The following BMP6 variants were observed in gnomAD, a reference collection of about 807,000 sequenced individuals.
The protein encoded by BMP6 is VG-1-R.
In BMP6, 17 loss-of-function variants were observed where a neutral mutation model predicts 54.1. That is an observed-to-expected ratio of 0.31 (90% CI 0.22 to 0.47). The LOEUF is 0.47. BMP6 is among the 20% of genes least tolerant of loss of function. The pLI, the probability that BMP6 is intolerant of heterozygous loss-of-function variation, is 1.00. For missense variants in BMP6, 720 were observed against 690.4 expected (o/e 1.04, Z -0.48); for synonymous variants, 328 against 291.2 (o/e 1.13, Z -1.28).
chr6:7,805,129 C>A (rs1758329534), intron 1 of BMP6, among the ~76,000 whole-genome samples: 1 of 151,986 alleles, frequency 6.6e-6, no homozygotes, highest in South Asian at 2.1e-4. Context: ...ATGTTTTGTC[C>A]CTAGTCTACA....
chr6:7,808,914 T>TAAA (rs70982107), intron 1 of BMP6, among the ~76,000 whole-genome samples: 6,920 of 88,774 alleles, frequency 0.078, 365 homozygotes, highest in East Asian at 0.13. Flanking sequence ...ACCCTGTCTC[T>TAAA]AAAAAAAAAA....
intron 4 of BMP6, among the ~76,000 whole-genome samples, chr6:7,864,629 G>A (rs1208890106): frequency 6.6e-6 from 1 of 152,158 alleles, no homozygotes; most frequent in Non-Finnish European, 1.5e-5. Flanking sequence ...TCCATTTTGT[G>A]TTCCGACTTA....
Position 7,806,043 on chromosome 6 carries a change from G to A in BMP6, c.665-39097G>A, listed in dbSNP as rs557159975. 1.1e-3 allele frequency among the ~76,000 whole-genome samples: 171 copies of A among 152,268 alleles called. 2 individuals carry two copies. Among genetic ancestry groups the A allele is most frequent in the Non-Finnish European group, 9.7e-4 (66 of 68,026 alleles). Reference sequence around the variant, plus strand: ...AAGATTGCTGCATTCTGAGATGTGGGGTCAGCAATGTGGTTGGATGTTTTT... The same window carrying A: ...AAGATTGCTGCATTCTGAGATGTGGAGTCAGCAATGTGGTTGGATGTTTTT... On this transcript the variant is annotated intron_variant, in intron 1 of 6. Coordinates refer to ENST00000283147, the MANE Select transcript of BMP6 (RefSeq NM_001718.6).
At chr6:7,820,143 A>G (rs1276409273) in intron 1 of BMP6, among the ~76,000 whole-genome samples, 1 of 152,254 alleles carries the variant, frequency 6.6e-6, no homozygotes, top group African/African-American at 2.4e-5. Flanking sequence ...AGCTAACTAC[A>G]ATTTTGTTTC....
intron 1 of BMP6, among the ~76,000 whole-genome samples, chr6:7,793,288 A>C (rs753293386): frequency 6.6e-6 from 1 of 151,028 alleles, no homozygotes; most frequent in African/African-American, 2.4e-5. Context: ...GTTACATACT[A>C]TATAGTTCCA....
At chr6:7,868,428 GT>G (rs1308102181) in intron 4 of BMP6, among the ~76,000 whole-genome samples, 1 of 152,156 alleles carries the variant, frequency 6.6e-6, no homozygotes, top group African/African-American at 2.4e-5. Flanking sequence ...CCTGCTGCGC[GT>G]TCTTCAATGG....
intron 3 of BMP6, 136 bp from the exon 4 acceptor site, chr6:7,862,165 G>T: frequency 9.4e-7 from 1 of 1,061,268 alleles, no homozygotes; most frequent in African/African-American, 1.6e-5. Context: ...CAAGGTTTGG[G>T]GATACATGAT....
chr6:7,846,640 G>A (rs1335637502), intron 2 of BMP6, among the ~76,000 whole-genome samples: 1 of 152,238 alleles, frequency 6.6e-6, no homozygotes, highest in East Asian at 1.9e-4. Flanking sequence ...ATCCATTGTG[G>A]TATCTTTATA....
intron 1 of BMP6, among the ~76,000 whole-genome samples, chr6:7,809,815 G>C (rs1424655283): frequency 6.6e-6 from 1 of 152,182 alleles, no homozygotes; most frequent in Non-Finnish European, 1.5e-5. Context: ...GTACAAAGTA[G>C]CCTCATCGGT....
chr6:7,792,421 A>G (rs1393472232), intron 1 of BMP6, among the ~76,000 whole-genome samples: 1 of 152,220 alleles, frequency 6.6e-6, no homozygotes, highest in Non-Finnish European at 1.5e-5. Flanking sequence ...TTCCCACACC[A>G]CACATCTTCT....
At chr6:7,821,426 T>A (rs1345518229) in intron 1 of BMP6, among the ~76,000 whole-genome samples, 4 of 152,216 alleles carry the variant, frequency 2.6e-5, no homozygotes, top group Non-Finnish European at 2.9e-5. Context: ...TGCTCACACC[T>A]GTAATCCCCG....
chr6:7,869,455 G>T (rs1343206331), intron 4 of BMP6, among the ~76,000 whole-genome samples: 1 of 152,242 alleles, frequency 6.6e-6, no homozygotes, highest in African/African-American at 2.4e-5. Flanking sequence ...TGGGGGTATA[G>T]GCAATGTATA....
intron 1 of BMP6, among the ~76,000 whole-genome samples, chr6:7,783,379 A>G (rs977472656): frequency 2.0e-5 from 3 of 152,220 alleles, no homozygotes; most frequent in African/African-American, 4.8e-5. Flanking sequence ...ATGACGCTGT[A>G]TATTTTTATT....
chr6:7,820,584 G>A (rs895110647), intron 1 of BMP6, among the ~76,000 whole-genome samples: 6 of 152,184 alleles, frequency 3.9e-5, no homozygotes, highest in South Asian at 2.1e-4. Flanking sequence ...TGCCTGCCTG[G>A]AGGAAATTAG....
chr6:7,820,678 T>G (rs955868627), intron 1 of BMP6, among the ~76,000 whole-genome samples: 12 of 152,178 alleles, frequency 7.9e-5, no homozygotes, highest in Non-Finnish European at 1.5e-4. Flanking sequence ...CTGCAGCACA[T>G]TTTTCTAGGA....
chr6:7,728,460 G>A (rs1761788516), intron 1 of BMP6, among the ~76,000 whole-genome samples: 1 of 152,156 alleles, frequency 6.6e-6, no homozygotes, highest in Admixed American at 6.5e-5. Flanking sequence ...ATGGAGCTCC[G>A]CCACAAATGT....
chr6:7,748,043 T>C lies in BMP6; in HGVS notation c.664+20424T>C, dbSNP rs564511929. Among the ~76,000 whole-genome samples the C allele has an allele frequency of 2.0e-5, 3 of 152,318 alleles. No individual in the cohort carries two copies. The South Asian group carries it at 6.2e-4, about 32-fold the overall frequency. On this transcript the variant is annotated intron_variant, in intron 1 of 6. Transcript: ENST00000283147. ...GCAATAAGAAATGAATACAGTGTTA[T>C]TTATACAGGGCTTTGTTCCCTTGGA...
chr6:7,770,063 C>T (rs1389574204), intron 1 of BMP6, among the ~76,000 whole-genome samples: 15 of 152,022 alleles, frequency 9.9e-5, no homozygotes, highest in Admixed American at 9.8e-4. Context: ...CACCTCCCCT[C>T]GCCCCCTTTT....
chr6:7,878,543 CCT>C (rs1486042500), intron 4 of BMP6, among the ~76,000 whole-genome samples: 1 of 152,196 alleles, frequency 6.6e-6, no homozygotes, highest in Admixed American at 6.5e-5. Flanking sequence ...GAGCATTGCC[CCT>C]GCGTGGTGTC....
Sources: gnomAD v4.1 joint callset for allele counts (sites outside exome capture counted in the v4.1 genomes callset) on GRCh38, gnomAD v4.1.1 for gene constraint, MANE v1.5 for transcripts, NCBI Gene and HGNC (gene_info 2026-07-23, HGNC 2026-07-21) for gene names.